RALYL: variants seen among roughly 807,000 people sequenced by gnomAD.
RALYL encodes RALY RNA binding protein like.
In RALYL, 29 loss-of-function variants were observed where a neutral mutation model predicts 35.1. The observed-to-expected ratio is 0.83, with a 90% CI of 0.61 to 1.13. The LOEUF is 1.13. Among genes scored for constraint, RALYL ranks in the 50% most tolerant of loss-of-function variants. The pLI, the probability that RALYL is intolerant of heterozygous loss-of-function variation, is 0.00. For missense variants in RALYL, 359 were observed against 360.4 expected (o/e 1.00, Z 0.03); for synonymous variants, 120 against 127.6 (o/e 0.94, Z 0.40).
At chr8:84,484,017 T>C (rs188647018) in intron 1 of RALYL, among the ~76,000 whole-genome samples, 9 of 152,282 alleles carry the variant, frequency 5.9e-5, no homozygotes, top group African/African-American at 2.2e-4. Flanking sequence ...AATCGGCACA[T>C]GTTTAATGCA....
intron 2 of RALYL, among the ~76,000 whole-genome samples, chr8:84,585,219 C>T (rs554321104): frequency 1.3e-5 from 2 of 152,144 alleles, no homozygotes; most frequent in East Asian, 3.9e-4. Context: ...GCCATGATGT[C>T]AGTCATTCTT....
chr8:84,768,424 G>C (rs1814622728), intron 2 of RALYL, among the ~76,000 whole-genome samples: 1 of 152,128 alleles, frequency 6.6e-6, no homozygotes, highest in African/African-American at 2.4e-5. Context: ...TTTGCCCACT[G>C]TACCCTCCTC....
intron 3 of RALYL, among the ~76,000 whole-genome samples, chr8:84,777,665 A>G (rs2465975): frequency 0.23 from 34,853 of 151,954 alleles, 4,194 homozygotes; most frequent in Non-Finnish European, 0.25. Flanking sequence ...CTTTTGAGAC[A>G]GAGTCTCAAT....
intron 8 of RALYL, among the ~76,000 whole-genome samples, chr8:84,914,035 T>C (rs1206103588): frequency 6.6e-6 from 1 of 152,020 alleles, no homozygotes; most frequent in African/African-American, 2.4e-5. Context: ...AGAATAATTA[T>C]GAGTTAACTA....
At chr8:84,203,703 C>T (rs2131044424) in intron 1 of RALYL, among the ~76,000 whole-genome samples, 1 of 152,178 alleles carries the variant, frequency 6.6e-6, no homozygotes, top group African/African-American at 2.4e-5. Flanking sequence ...TTGAGAAGTT[C>T]AGGTACAGAA....
chr8:84,556,840 G>C (rs940956650), intron 2 of RALYL, among the ~76,000 whole-genome samples: 2 of 152,094 alleles, frequency 1.3e-5, no homozygotes, highest in African/African-American at 4.8e-5. Flanking sequence ...ACCTAGCACA[G>C]ATCTGAACAC....
intron 1 of RALYL, among the ~76,000 whole-genome samples, chr8:84,371,135 T>C (rs1295189865): frequency 6.6e-6 from 1 of 151,952 alleles, no homozygotes; most frequent in African/African-American, 2.4e-5. Flanking sequence ...ACAACCCCTG[T>C]AGAAGCAGAT....
At chr8:84,311,497 T>C (rs954988597) in intron 1 of RALYL, among the ~76,000 whole-genome samples, 1 of 152,162 alleles carries the variant, frequency 6.6e-6, no homozygotes, top group Non-Finnish European at 1.5e-5. Context: ...CATTTTTTAC[T>C]ATGGTAGCAA....
chr8:84,904,565 A>G (rs540881409), intron 8 of RALYL, among the ~76,000 whole-genome samples: 1 of 152,308 alleles, frequency 6.6e-6, no homozygotes, highest in East Asian at 1.9e-4. Flanking sequence ...AACCTATTAC[A>G]TATATTCAAA....
At chr8:84,838,935 G>A (rs1209242825) in intron 4 of RALYL, among the ~76,000 whole-genome samples, 1 of 152,150 alleles carries the variant, frequency 6.6e-6, no homozygotes, top group Non-Finnish European at 1.5e-5. Context: ...TGAGATTACA[G>A]CATAAAAAAG....
At chr8:84,751,600 G>A (rs1174728065) in intron 2 of RALYL, among the ~76,000 whole-genome samples, 2 of 152,128 alleles carry the variant, frequency 1.3e-5, no homozygotes, top group Non-Finnish European at 2.9e-5. Context: ...CATTATTGGA[G>A]GTGGGGACTG....
intron 2 of RALYL, among the ~76,000 whole-genome samples, chr8:84,638,530 G>A (rs1382970361): frequency 6.6e-6 from 1 of 151,698 alleles, no homozygotes; most frequent in Non-Finnish European, 1.5e-5. Flanking sequence ...CTTGTTCTTT[G>A]AAATAAATAA....
intron 2 of RALYL, among the ~76,000 whole-genome samples, chr8:84,546,283 C>A (rs3112027): frequency 6.6e-6 from 1 of 151,978 alleles, no homozygotes; most frequent in Non-Finnish European, 1.5e-5. Context: ...CCATGCCCAG[C>A]GAATTTTTGT....
chr8:84,489,821 T>C (rs2055062785), intron 1 of RALYL, among the ~76,000 whole-genome samples: 1 of 151,932 alleles, frequency 6.6e-6, no homozygotes, highest in Non-Finnish European at 1.5e-5. Flanking sequence ...AGACCCAAAG[T>C]GCATGGAAAT....
intron 2 of RALYL, among the ~76,000 whole-genome samples, chr8:84,639,454 TC>T: frequency 6.6e-6 from 1 of 151,804 alleles, no homozygotes; most frequent in Non-Finnish European, 1.5e-5. Flanking sequence ...TGTGTCTAAA[TC>T]AAAAAAAGTG....
chr8:84,849,588 G>T (rs1042587189), intron 4 of RALYL, among the ~76,000 whole-genome samples: 33 of 149,784 alleles, frequency 2.2e-4, no homozygotes, highest in African/African-American at 7.1e-4. Flanking sequence ...ACGGAGTCTC[G>T]CTCTGTGTCG....
intron 4 of RALYL, among the ~76,000 whole-genome samples, chr8:84,806,170 G>A (rs1051192771): frequency 6.6e-6 from 1 of 152,030 alleles, no homozygotes; most frequent in Non-Finnish European, 1.5e-5. Flanking sequence ...TAATTATTAG[G>A]GGATGTGGAA....
At chr8:84,758,197 T>C (rs891208179) in intron 2 of RALYL, among the ~76,000 whole-genome samples, 17 of 152,212 alleles carry the variant, frequency 1.1e-4, no homozygotes, top group Admixed American at 2.6e-4. Context: ...ATTCTTATGC[T>C]AAAAATATTG....
At chr8:84,865,789 C>G (rs960853355) in intron 6 of RALYL, among the ~76,000 whole-genome samples, 2 of 152,154 alleles carry the variant, frequency 1.3e-5, no homozygotes. Context: ...AAGAAAGACT[C>G]TAGTAAGTTT....
Sources: gnomAD v4.1 joint callset for allele counts (sites outside exome capture counted in the v4.1 genomes callset) on GRCh38, gnomAD v4.1.1 for gene constraint, MANE v1.5 for transcripts, NCBI Gene and HGNC (gene_info 2026-07-23, HGNC 2026-07-21) for gene names.